DRC11: variants seen among roughly 807,000 people sequenced by gnomAD.
The protein encoded by DRC11 is IQ and AAA domain-containing protein 1.
At chr2:236,396,567 GGCC>G in the DRC11 span, among the ~76,000 whole-genome samples, 1 of 151,976 alleles carries the variant, frequency 6.6e-6, no homozygotes, top group Admixed American at 6.5e-5. Context: ...AGAGCTTTTG[GGCC>G]GGTCAGCAGG....
the DRC11 span, among the ~76,000 whole-genome samples, chr2:236,357,109 ATATC>A: frequency 4.5e-5 from 6 of 133,170 alleles, no homozygotes; most frequent in Non-Finnish European, 4.6e-5. Flanking sequence ...CGTATATTAT[ATATC>A]TATATATTAT....
chr2:236,394,375 G>A, the DRC11 span, among the ~76,000 whole-genome samples: 1 of 152,200 alleles, frequency 6.6e-6, no homozygotes, highest in African/African-American at 2.4e-5. This position sits in a 1 kb window ranked among gnomAD's most constrained non-coding sequence, Gnocchi z 7.0. Context: ...GCTCATGCCT[G>A]TAATCCCAGC....
the DRC11 span, among the ~76,000 whole-genome samples, chr2:236,453,888 C>T: frequency 2.6e-5 from 4 of 152,106 alleles, no homozygotes; most frequent in African/African-American, 9.7e-5. The surrounding 1 kb of genome is among the most constrained non-coding windows in gnomAD (Gnocchi z 4.9). Context: ...GTGATCCACC[C>T]GTCTTGGCCT....
At chr2:236,396,106 T>C in the DRC11 span, among the ~76,000 whole-genome samples, 1 of 152,152 alleles carries the variant, frequency 6.6e-6, no homozygotes, top group African/African-American at 2.4e-5. Context: ...GCTTTTCTCA[T>C]GACACTTTTG....
chr2:236,334,100 C>A, the DRC11 span, among the ~76,000 whole-genome samples: 1 of 152,192 alleles, frequency 6.6e-6, no homozygotes, highest in Non-Finnish European at 1.5e-5. The surrounding 1 kb of genome is among the most constrained non-coding windows in gnomAD (Gnocchi z 7.8). Context: ...GAGACAGTCC[C>A]AGCTGTGGTG....
At chr2:236,458,713 C>T in the DRC11 span, among the ~76,000 whole-genome samples, 1 of 151,990 alleles carries the variant, frequency 6.6e-6, no homozygotes, top group Non-Finnish European at 1.5e-5. Flanking sequence ...CTTACTGTTG[C>T]TTTCTTTCTC....
the DRC11 span, among the ~76,000 whole-genome samples, chr2:236,314,356 A>G: frequency 6.6e-6 from 1 of 152,218 alleles, no homozygotes; most frequent in South Asian, 2.1e-4. The surrounding 1 kb of genome is among the most constrained non-coding windows in gnomAD (Gnocchi z 4.5). Context: ...ATAGTTTCAA[A>G]ACTTTGTACC....
At chr2:236,434,434 C>T in the DRC11 span, among the ~76,000 whole-genome samples, 2 of 152,198 alleles carry the variant, frequency 1.3e-5, no homozygotes, top group African/African-American at 2.4e-5. The surrounding 1 kb of genome is among the most constrained non-coding windows in gnomAD (Gnocchi z 5.5). Flanking sequence ...TGAAGGGTTT[C>T]AATATGCCAA....
At chr2:236,418,504 C>T in the DRC11 span, among the ~76,000 whole-genome samples, 3 of 152,274 alleles carry the variant, frequency 2.0e-5, no homozygotes, top group East Asian at 1.9e-4. Flanking sequence ...GCCTGAGATC[C>T]GTTTCTCATA....
chr2:236,399,528 C>T, the DRC11 span: 1 of 1,537,938 alleles, frequency 6.5e-7, no homozygotes, highest in Non-Finnish European at 9.0e-7. The surrounding 1 kb of genome is among the most constrained non-coding windows in gnomAD (Gnocchi z 7.0). Context: ...TCAGGCAAGA[C>T]CGGGCAGCAA....
At chr2:236,445,641 A>G in the DRC11 span, among the ~76,000 whole-genome samples, 12 of 152,068 alleles carry the variant, frequency 7.9e-5, no homozygotes, top group Non-Finnish European at 2.9e-5. The surrounding 1 kb of genome is among the most constrained non-coding windows in gnomAD (Gnocchi z 4.8). Flanking sequence ...CGCCTGGGCT[A>G]TTTTTAATAG....
chr2:236,449,780 G>T, the DRC11 span, among the ~76,000 whole-genome samples: 39,529 of 152,054 alleles, frequency 0.26, 5,444 homozygotes, highest in African/African-American at 0.33. This position sits in a 1 kb window ranked among gnomAD's most constrained non-coding sequence, Gnocchi z 5.1. Flanking sequence ...CCTTACATGT[G>T]AACCACCTCC....
chr2:236,501,990 T>G, the DRC11 span, among the ~76,000 whole-genome samples: 1 of 152,092 alleles, frequency 6.6e-6, no homozygotes, highest in East Asian at 1.9e-4. Flanking sequence ...AAACCCCAGC[T>G]TGTTTCATAG....
At chr2:236,497,675 G>A in the DRC11 span, among the ~76,000 whole-genome samples, 4 of 152,146 alleles carry the variant, frequency 2.6e-5, no homozygotes, top group Non-Finnish European at 4.4e-5. The surrounding 1 kb of genome is among the most constrained non-coding windows in gnomAD (Gnocchi z 5.1). Flanking sequence ...TTCTGAATAT[G>A]TACCACCACT....
chr2:236,397,295 G>A, the DRC11 span, among the ~76,000 whole-genome samples: 1 of 152,184 alleles, frequency 6.6e-6, no homozygotes, highest in Non-Finnish European at 1.5e-5. This position sits in a 1 kb window ranked among gnomAD's most constrained non-coding sequence, Gnocchi z 5.0. Flanking sequence ...CTTTCTTCCT[G>A]TGCCCTCATT....
the DRC11 span, among the ~76,000 whole-genome samples, chr2:236,410,051 G>T: frequency 6.6e-5 from 10 of 151,982 alleles, no homozygotes; most frequent in Non-Finnish European, 1.2e-4. Flanking sequence ...GTTCATCAAG[G>T]ATATTGGTCT....
the DRC11 span, among the ~76,000 whole-genome samples, chr2:236,492,729 C>T: frequency 2.0e-5 from 3 of 152,170 alleles, no homozygotes; most frequent in Non-Finnish European, 4.4e-5. Context: ...TAGGGCAGTG[C>T]CCTGTGGAAA....
At chr2:236,440,646 G>C in the DRC11 span, among the ~76,000 whole-genome samples, 1 of 152,148 alleles carries the variant, frequency 6.6e-6, no homozygotes, top group Non-Finnish European at 1.5e-5. Flanking sequence ...GAAGAGCATG[G>C]CACACCCAAA....
the DRC11 span, chr2:236,344,463 A>T: frequency 1.3e-6 from 1 of 787,950 alleles, no homozygotes; most frequent in Non-Finnish European, 2.1e-6. Context: ...TCGCTTGAAA[A>T]GGCAAGACCT....
Sources: gnomAD v4.1 joint callset for allele counts (sites outside exome capture counted in the v4.1 genomes callset) on GRCh38, gnomAD v4.1.1 for gene constraint, Gnocchi (gnomAD v3.1) non-coding constraint, MANE v1.5 for transcripts, NCBI Gene and HGNC (gene_info 2026-07-23, HGNC 2026-07-21) for gene names.